Variants in DPF3 observed in about 807,000 individuals in gnomAD.
DPF3 encodes zinc finger protein DPF3.
Under a neutral mutation model 56.8 loss-of-function variants are expected in DPF3, and 18 were observed. The observed-to-expected ratio is 0.32, with a 90% CI of 0.22 to 0.47. The LOEUF is 0.47. Among genes scored for constraint, DPF3 ranks in the 20% least tolerant of loss-of-function variants. The pLI is 1.00. For missense variants in DPF3, 403 were observed against 488.8 expected (o/e 0.82, Z 1.65); for synonymous variants, 188 against 180.2 (o/e 1.04, Z -0.35).
chr14:72,868,436 G>A (rs1885764749), intron 1 of DPF3, among the ~76,000 whole-genome samples: 1 of 152,184 alleles, frequency 6.6e-6, no homozygotes, highest in Non-Finnish European at 1.5e-5. Context: ...CATATGCAGG[G>A]CTGGGAGGAA....
intron 3 of DPF3, among the ~76,000 whole-genome samples, chr14:72,736,258 G>A (rs1449336855): frequency 1.3e-5 from 2 of 152,086 alleles, no homozygotes; most frequent in Admixed American, 1.3e-4. Context: ...TCTTTTATCT[G>A]CATTGTCTTC....
chr14:72,621,716 G>A (rs772835763), intron 9 of DPF3, among the ~76,000 whole-genome samples: 9 of 152,208 alleles, frequency 5.9e-5, no homozygotes, highest in Non-Finnish European at 1.3e-4. Flanking sequence ...CCAGGTGCGT[G>A]ATGATGGTGG....
chr14:72,632,875 A>AAGGGAGGAAGG (rs1325506948), intron 8 of DPF3, among the ~76,000 whole-genome samples: 1 of 130,940 alleles, frequency 7.6e-6, no homozygotes, highest in Non-Finnish European at 1.6e-5. Flanking sequence ...AGGGGAGGGG[A>AAGGGAGGAAGG]AGGGAGGAAG....
At chr14:72,843,888 C>T (rs904629413) in intron 1 of DPF3, among the ~76,000 whole-genome samples, 5 of 152,200 alleles carry the variant, frequency 3.3e-5, no homozygotes, top group Admixed American at 2.6e-4. Flanking sequence ...AGGCATTGCT[C>T]TCTGAGCTTA....
chr14:72,800,377 A>AATGG lies in DPF3; in HGVS notation c.33-28488_33-28485dup, dbSNP rs71109749. Among the ~76,000 whole-genome samples, 241 of 18,104 alleles carry AATGG rather than the reference A, an allele frequency of 0.013. 2 individuals carry two copies. The Non-Finnish European group carries it at 0.19, about 14-fold the overall frequency. The allele number at this position is 18,104 out of a possible 152,430, so 11.9% of individuals were successfully genotyped here. On this transcript the variant is annotated intron_variant, in intron 1 of 10. Transcript: ENST00000556509. ...CCCTTATTAGATGGATAAATAGATAAATGGATGGATGGATGGATGGATGGA... is the reference window on the plus strand; with the variant it reads ...CCCTTATTAGATGGATAAATAGATAAATGGATGGATGGATGGATGGATGGATGGA...
intron 1 of DPF3, chr14:72,806,839 A>G (rs1456778081): frequency 6.6e-6 from 1 of 152,048 alleles, no homozygotes; most frequent in African/African-American, 2.4e-5. Context: ...CTTCCAACGG[A>G]CTGATCTCTT....
intron 1 of DPF3, among the ~76,000 whole-genome samples, chr14:72,834,754 G>A (rs11627334): frequency 0.65 from 98,780 of 152,080 alleles, 32,692 homozygotes; most frequent in East Asian, 0.89. Context: ...ATGAAAGTTT[G>A]TGTTAGCATT....
chr14:72,758,089 T>A (rs966500126), intron 2 of DPF3, among the ~76,000 whole-genome samples: 1 of 152,174 alleles, frequency 6.6e-6, no homozygotes, highest in African/African-American at 2.4e-5. Flanking sequence ...TTAGACTTTC[T>A]CATAATATAC....
chr14:72,859,991 G>A (rs1230597051), intron 1 of DPF3, among the ~76,000 whole-genome samples: 1 of 151,130 alleles, frequency 6.6e-6, no homozygotes, highest in Non-Finnish European at 1.5e-5. Context: ...AACAGAAATG[G>A]TGTAAGCCCA....
chr14:72,892,540 A>T (rs888664326), intron 1 of DPF3: 9 of 1,387,250 alleles, frequency 6.5e-6, no homozygotes, highest in Non-Finnish European at 8.4e-6. Context: ...GAGCTGGCGC[A>T]AACACGTCCG....
chr14:72,645,983 C>G (rs978469863), intron 8 of DPF3, among the ~76,000 whole-genome samples: 4 of 152,154 alleles, frequency 2.6e-5, no homozygotes, highest in Non-Finnish European at 4.4e-5. Context: ...ATGCTCACCC[C>G]GGATCTGACC....
rs1891288749 is a variant in DPF3 at position 72,766,398 on chromosome 14, T to C, written c.193+5335A>G. On this transcript the variant is annotated intron_variant, in intron 2 of 10. Transcript: ENST00000556509. ...AGAAACAACAGGGTGGGTGGTGAGCTCCCTGGGTATTATTTTATCTATCTA... is the reference window on the plus strand; with the variant it reads ...AGAAACAACAGGGTGGGTGGTGAGCCCCCTGGGTATTATTTTATCTATCTA... Among the ~76,000 whole-genome samples the C allele has an allele frequency of 2.0e-5, 3 of 152,212 alleles. No individual in the cohort carries two copies. The South Asian group carries it at 6.2e-4, about 32-fold the overall frequency.
intron 8 of DPF3, chr14:72,662,521 C>T (rs550518967): frequency 6.3e-5 from 62 of 984,938 alleles, no homozygotes; most frequent in Middle Eastern, 5.2e-4. Context: ...TAATTCCAGG[C>T]GGACCTGGGT....
At chr14:72,668,222 C>A (rs1432815633) in intron 8 of DPF3, among the ~76,000 whole-genome samples, 1 of 152,190 alleles carries the variant, frequency 6.6e-6, no homozygotes. Flanking sequence ...CTTCCTTTGC[C>A]TTAAAACATT....
At chr14:72,788,992 A>G (rs1892321946) in intron 1 of DPF3, among the ~76,000 whole-genome samples, 1 of 152,122 alleles carries the variant, frequency 6.6e-6, no homozygotes, top group Non-Finnish European at 1.5e-5. Context: ...TCCCTCCTCA[A>G]AGCCTTCCTA....
At chr14:72,635,014 A>G (rs1377465263) in intron 8 of DPF3, among the ~76,000 whole-genome samples, 3 of 152,152 alleles carry the variant, frequency 2.0e-5, no homozygotes, top group African/African-American at 7.2e-5. Context: ...ATCTCCTGCT[A>G]GCTTATTGAG....
At chr14:72,769,696 A>AAC (rs1211499133) in intron 2 of DPF3, among the ~76,000 whole-genome samples, 1 of 151,646 alleles carries the variant, frequency 6.6e-6, no homozygotes, top group African/African-American at 2.4e-5. Context: ...AAAAAAAAAA[A>AAC]AAACACATCA....
chr14:72,676,941 T>C (rs564746549), intron 7 of DPF3, among the ~76,000 whole-genome samples: 1 of 152,138 alleles, frequency 6.6e-6, no homozygotes, highest in Non-Finnish European at 1.5e-5. Context: ...CTACAAGAAA[T>C]AAAAAATTAG....
In DPF3 at chr14:72,653,591, A is replaced by G. The variant is rs527444230; in HGVS notation, c.871+20649T>C. Among the ~76,000 whole-genome samples, 9 of 152,338 alleles carry G rather than the reference A, an allele frequency of 5.9e-5. 1 individual carries two copies. The highest frequency in any genetic ancestry group is 2.4e-5 in the African/African-American group (1 of 41,582). ...GTTTCCTCTCTTTTCCTCGCATCAC[A>G]TTCAGTGACCTATCAGTCTAGATAG... On this transcript the variant is annotated intron_variant, in intron 8 of 10. Transcript: ENST00000556509.
Sources: gnomAD v4.1 joint callset for allele counts (sites outside exome capture counted in the v4.1 genomes callset) on GRCh38, gnomAD v4.1.1 for gene constraint, MANE v1.5 for transcripts, NCBI Gene and HGNC (gene_info 2026-07-23, HGNC 2026-07-21) for gene names.